RHOBTB3: variants seen among roughly 807,000 people sequenced by gnomAD.
RHOBTB3 encodes the protein Rho related BTB domain containing 3, also known as rho-related BTB domain-containing protein 3.
In RHOBTB3, 47 loss-of-function variants were observed where a neutral mutation model predicts 67.2. The observed-to-expected ratio is 0.70, with a 90% CI of 0.55 to 0.89. The LOEUF is 0.89. RHOBTB3 is among the 40% of genes least tolerant of loss of function. The pLI, the probability that RHOBTB3 is intolerant of heterozygous loss-of-function variation, is 0.00. For synonymous variants in RHOBTB3, 273 were observed against 274.2 expected (o/e 1.00, Z 0.04); for missense variants, 631 against 750.0 (o/e 0.84, Z 1.85).
chr5:95,720,194 C>A (rs1311459235), intron 1 of RHOBTB3, among the ~76,000 whole-genome samples: 1 of 152,146 alleles, frequency 6.6e-6, no homozygotes, highest in Non-Finnish European at 1.5e-5. Context: ...TCTGGACTTG[C>A]AAAACTGAAG....
chr5:95,771,971 C>G (rs1485209078), intron 8 of RHOBTB3, among the ~76,000 whole-genome samples: 1 of 150,788 alleles, frequency 6.6e-6, no homozygotes, highest in Non-Finnish European at 1.5e-5. Context: ...AAAAAAAAGT[C>G]TAGTTTATGG....
intron 8 of RHOBTB3, among the ~76,000 whole-genome samples, chr5:95,779,377 T>C (rs992637110): frequency 4.6e-5 from 7 of 152,154 alleles, no homozygotes; most frequent in African/African-American, 1.7e-4. Flanking sequence ...TCGGTAATAA[T>C]CTGTTGAAGT....
chr5:95,783,660 C>A (rs1746133895), intron 9 of RHOBTB3, 137 bp from the exon 10 acceptor site: 2 of 566,836 alleles, frequency 3.5e-6, no homozygotes, highest in Non-Finnish European at 5.8e-6. Flanking sequence ...CGAGGCTTTT[C>A]CTAACCATTC....
chr5:95,722,639 G>T (rs1186288084), intron 1 of RHOBTB3, among the ~76,000 whole-genome samples: 1 of 152,096 alleles, frequency 6.6e-6, no homozygotes, highest in South Asian at 2.1e-4. Context: ...ACAGGCTCCC[G>T]CCACCATGCC....
chr5:95,767,961 A>G, intron 7 of RHOBTB3, 85 bp from the exon 8 acceptor site: 2 of 1,280,736 alleles, frequency 1.6e-6, no homozygotes, highest in Non-Finnish European at 2.3e-6. Context: ...GAGATTTAGC[A>G]TAATTTTCCA....
upstream of RHOBTB3, chr5:95,731,320 G>GAGC (rs1755234554): frequency 2.8e-6 from 3 of 1,076,770 alleles, no homozygotes; most frequent in South Asian, 8.8e-5. Context: ...AGAGGAGGAG[G>GAGC]AGCAGCGGCA....
At chr5:95,723,678 G>A (rs1754963811) in intron 1 of RHOBTB3, among the ~76,000 whole-genome samples, 1 of 152,180 alleles carries the variant, frequency 6.6e-6, no homozygotes, top group East Asian at 1.9e-4. Context: ...TTCTAGGCAA[G>A]TGAGTCTGCA....
intron 9 of RHOBTB3, among the ~76,000 whole-genome samples, chr5:95,783,078 T>G (rs1252027909): frequency 2.1e-5 from 3 of 143,212 alleles, no homozygotes; most frequent in East Asian, 4.0e-4. Context: ...ATTCTTTTTA[T>G]TTTTACTTTT....
At position 95,792,518 on chromosome 5, in the gene RHOBTB3, C is replaced by T. The variant is rs78655654; in HGVS notation, c.1721-541C>T. The stretch of plus-strand genomic sequence containing the variant: ...TATTGGAAAAGAAAAGGAAGCCAGG[C>T]GTGGTGGCTCATGCCTGTAATCCTA... On this transcript the variant is annotated intron_variant, in intron 11 of 11. Transcript: ENST00000379982. Among the ~76,000 whole-genome samples, 41 of 151,902 alleles carry T rather than the reference C, an allele frequency of 2.7e-4. No individual in the cohort carries two copies. The East Asian group carries it at 4.4e-3, about 16-fold the overall frequency.
intron 6 of RHOBTB3, among the ~76,000 whole-genome samples, chr5:95,758,697 G>A (rs1045987910): frequency 2.0e-5 from 3 of 152,342 alleles, no homozygotes; most frequent in South Asian, 2.1e-4. Flanking sequence ...GCCCTTCATC[G>A]TCTAGACCAG....
chr5:95,759,944 GT>G (rs758440525), intron 6 of RHOBTB3, among the ~76,000 whole-genome samples: 347 of 138,992 alleles, frequency 2.5e-3, no homozygotes, highest in Middle Eastern at 3.8e-3. Context: ...TCCTGTCCTT[GT>G]TTTTTTTTTT....
At chr5:95,772,251 G>A (rs1388013948) in intron 8 of RHOBTB3, among the ~76,000 whole-genome samples, 2 of 152,312 alleles carry the variant, frequency 1.3e-5, no homozygotes, top group African/African-American at 4.8e-5. Context: ...GTAGTGTCTA[G>A]TGGTGTTTGA....
chr5:95,747,148 C>T (rs946490735), intron 3 of RHOBTB3, among the ~76,000 whole-genome samples: 1 of 152,114 alleles, frequency 6.6e-6, no homozygotes, highest in Non-Finnish European at 1.5e-5. Flanking sequence ...ATCCCTGCTC[C>T]AGGGGCTCAG....
At chr5:95,792,279 C>A (rs1011362032) in intron 11 of RHOBTB3, among the ~76,000 whole-genome samples, 1 of 151,536 alleles carries the variant, frequency 6.6e-6, no homozygotes, top group African/African-American at 2.4e-5. Context: ...CCCAGCTACT[C>A]GGGAGGCTGA....
chr5:95,726,386 A>G (rs1755052794), upstream of RHOBTB3, among the ~76,000 whole-genome samples: 1 of 152,250 alleles, frequency 6.6e-6, no homozygotes, highest in South Asian at 2.1e-4. Context: ...TGACTTGTAT[A>G]TAGTACACTA....
In RHOBTB3 at chr5:95,755,715, C is replaced by T. The variant is rs148028220; in HGVS notation, c.1002C>T (p.Ala334=). The T allele has an allele frequency of 4.0e-5, 65 of 1,613,976 alleles. No homozygotes were observed. The highest frequency in any genetic ancestry group is 1.0e-4 in the Admixed American group (6 of 60,016). The stretch of plus-strand genomic sequence containing the variant: ...CATTACGAGTCATTGTTAAAGACGC[C>T]CTCTTCTGTTCTTGTTTATCAGACA... ...NPPLRVIVKD[A]LFCSCLSDIL... is the part of the protein sequence containing the mutation. The change falls in exon 6 of 12, where the codon GCC becomes GCT. Residue 334 remains alanine (A), a synonymous_variant. Transcript: ENST00000379982.
At position 95,745,493 on chromosome 5, in the gene RHOBTB3, G is replaced by C. The variant is rs147450677; in HGVS notation, c.416-2840G>C. Among the ~76,000 whole-genome samples the C allele has an allele frequency of 2.8e-3, 419 of 152,240 alleles. 3 individuals are homozygous for C. The highest frequency in any genetic ancestry group is 9.5e-3 in the African/African-American group (396 of 41,536). Reference sequence around the variant, plus strand: ...TTCAGTTATTTCTGAAGCTCTGGTAGAGCCTGGTCCTTTACTAGGCTAGAA... The same window carrying C: ...TTCAGTTATTTCTGAAGCTCTGGTACAGCCTGGTCCTTTACTAGGCTAGAA... On this transcript the variant is annotated intron_variant, in intron 3 of 11. Coordinates refer to ENST00000379982, the MANE Select transcript of RHOBTB3 (RefSeq NM_014899.4).
In RHOBTB3 at chr5:95,719,131, A is replaced by G. The variant is rs556163118; in HGVS notation, n.133+1366A>G. 4.6e-5 allele frequency among the ~76,000 whole-genome samples: 7 copies of G among 152,328 alleles called. No individual in the cohort carries two copies. The East Asian group carries it at 1.3e-3, about 29-fold the overall frequency. Reference sequence around the variant, plus strand: ...ATGGACATATCTGGGGTCGAGAGAAAGACAGAGGCTAGATACTGAGCATTT... The same window carrying G: ...ATGGACATATCTGGGGTCGAGAGAAGGACAGAGGCTAGATACTGAGCATTT... On this transcript the variant is annotated intron_variant and non_coding_transcript_variant, in intron 1 of 5. Transcript: ENST00000504949.
At chr5:95,776,409 G>T (rs889957565) in intron 8 of RHOBTB3, among the ~76,000 whole-genome samples, 2 of 150,400 alleles carry the variant, frequency 1.3e-5, no homozygotes, top group Admixed American at 6.6e-5. Context: ...CTGTCTCAAA[G>T]AAAAATAAAA....
Sources: allele counts gnomAD v4.1 joint callset (sites outside exome capture counted in the v4.1 genomes callset), GRCh38; gene constraint gnomAD v4.1.1; transcripts MANE v1.5; gene names NCBI Gene and HGNC (gene_info 2026-07-23, HGNC 2026-07-21).